Variants in ATP13A5 observed in about 807,000 individuals in gnomAD.
The protein encoded by ATP13A5 is ATPase 13A5, also known as probable cation-transporting ATPase 13A5.
Under a neutral mutation model 150.2 loss-of-function variants are expected in ATP13A5, and 149 were observed. That is an observed-to-expected ratio of 0.99 (90% confidence interval 0.87 to 1.14). The LOEUF is 1.14. Among genes scored for constraint, ATP13A5 ranks in the 50% most tolerant of loss-of-function variants. ATP13A5 has a pLI of 0.00. For synonymous variants in ATP13A5, 497 were observed against 522.2 expected (o/e 0.95, Z 0.66); for missense variants, 1,383 against 1,449.3 (o/e 0.95, Z 0.74).
In ATP13A5 at chr3:193,345,000, T is replaced by C; in HGVS notation, c.814+3A>G. On this transcript the variant is annotated splice_donor_region_variant and intron_variant, in intron 8 of 29. Transcript: ENST00000342358. ...GCTGAAGATGGCCTAACACATCACT[T>C]ACCTTTGTCTTTTACAATGATTGTA... 6.2e-7 allele frequency: 1 copy of C among 1,612,644 alleles called. No homozygotes were observed. The highest frequency in any genetic ancestry group is 8.5e-7 in the Non-Finnish European group (1 of 1,178,746).
At position 193,305,640 on chromosome 3, in the gene ATP13A5, G is replaced by A. The variant is rs866256714; in HGVS notation, c.2597C>T (p.Ser866Leu). The stretch of plus-strand genomic sequence containing the variant: ...CACAGATGCTTCCTGCTCTGATAAT[G>A]AAATGCCTGCATGAGCCGCTTTCAA... ...GALKAAHAGI[S>L]LSEQEASVAS... The change falls in exon 23 of 30, where the codon TCA becomes TTA. Residue 866 changes from serine to leucine, a missense_variant. Transcript: ENST00000342358. The A allele has an allele frequency of 6.2e-7, 1 of 1,613,948 alleles. No homozygotes were observed. The highest frequency in any genetic ancestry group is 1.7e-5 in the Admixed American group (1 of 60,006).
At chr3:193,348,125 A>G (rs982975610) in intron 7 of ATP13A5, among the ~76,000 whole-genome samples, 1 of 152,176 alleles carries the variant, frequency 6.6e-6, no homozygotes, top group African/African-American at 2.4e-5. Flanking sequence ...ATCTGCAAAC[A>G]CGGGTTTCTA....
intron 25 of ATP13A5, among the ~76,000 whole-genome samples, chr3:193,298,330 A>G (rs555018108): frequency 6.6e-6 from 1 of 152,272 alleles, no homozygotes; most frequent in Admixed American, 6.5e-5. Flanking sequence ...TGAACTATGA[A>G]TAGACATTTC....
intron 1 of ATP13A5, among the ~76,000 whole-genome samples, chr3:193,371,712 C>T (rs1259403630): frequency 6.6e-6 from 1 of 152,134 alleles, no homozygotes; most frequent in Non-Finnish European, 1.5e-5. Context: ...CAACGTAGAA[C>T]CTCCCTTGCA....
chr3:193,361,032 T>A (rs1712987916), intron 5 of ATP13A5, among the ~76,000 whole-genome samples: 1 of 152,100 alleles, frequency 6.6e-6, no homozygotes, highest in Non-Finnish European at 1.5e-5. Flanking sequence ...TGGTGCTTGA[T>A]AAATAAGAAA....
intron 14 of ATP13A5, chr3:193,323,905 A>G (rs1440099266): frequency 6.6e-6 from 1 of 152,174 alleles, no homozygotes; most frequent in Admixed American, 6.5e-5. Flanking sequence ...TAACTGCTGT[A>G]CTGTATTTTA....
chr3:193,326,897 T>G, intron 13 of ATP13A5, 99 bp downstream of exon 13: 1 of 1,007,300 alleles, frequency 9.9e-7, no homozygotes, highest in Non-Finnish European at 1.6e-6. Flanking sequence ...TTGTATATAT[T>G]TTATGTGACA....
intron 17 of ATP13A5, among the ~76,000 whole-genome samples, chr3:193,317,365 A>C (rs1369573487): frequency 1.3e-5 from 2 of 152,122 alleles, no homozygotes; most frequent in Non-Finnish European, 2.9e-5. Context: ...TTTATTTTCT[A>C]ATCTATTTCC....
At chr3:193,315,876 G>GTGTC (rs35669217) in intron 17 of ATP13A5, among the ~76,000 whole-genome samples, 1 of 151,804 alleles carries the variant, frequency 6.6e-6, no homozygotes, top group Non-Finnish European at 1.5e-5. Context: ...TTATGTGTGT[G>GTGTC]TGTGTGTTAA....
chr3:193,375,549 C>A (rs1370708742), intron 1 of ATP13A5, among the ~76,000 whole-genome samples: 1 of 151,982 alleles, frequency 6.6e-6, no homozygotes, highest in Non-Finnish European at 1.5e-5. Flanking sequence ...AGAAAAGGAA[C>A]CTATTAGAGC....
At chr3:193,284,007 G>GATTATTATTATTATTATTATTATT (rs3048432) in intron 27 of ATP13A5, among the ~76,000 whole-genome samples, 10 of 141,904 alleles carry the variant, frequency 7.0e-5, no homozygotes, top group African/African-American at 2.6e-4. Context: ...TTGGCCTGCG[G>GATTATTATTATTATTATTATTATT]ATTATTATTA....
At chr3:193,368,183 A>T (rs757570176) in intron 1 of ATP13A5, among the ~76,000 whole-genome samples, 3 of 152,218 alleles carry the variant, frequency 2.0e-5, no homozygotes, top group Non-Finnish European at 4.4e-5. Context: ...TATTAGTAAC[A>T]AACAATTTGA....
intron 18 of ATP13A5, 118 bp downstream of exon 18, chr3:193,314,854 A>G (rs889655691): frequency 7.4e-7 from 1 of 1,352,966 alleles, no homozygotes; most frequent in Non-Finnish European, 1.0e-6. Context: ...CAGGGTAACA[A>G]ATTCGACAAC....
intron 27 of ATP13A5, among the ~76,000 whole-genome samples, chr3:193,283,124 T>C (rs1460345716): frequency 6.6e-6 from 1 of 152,104 alleles, no homozygotes; most frequent in Non-Finnish European, 1.5e-5. Flanking sequence ...CAAACACATA[T>C]ATGAAGATAG....
rs368743655 is a variant in ATP13A5 at position 193,308,927 on chromosome 3, C to T, written c.2526-1558G>A. ...AGTCATTTAGTCACTGGTTACTTAC[C>T]CAGCCTCAGGCATTCTGGAAGTTAA... is the stretch of plus-strand genomic sequence containing the variant. On this transcript the variant is annotated intron_variant, in intron 21 of 29. Coordinates refer to ENST00000342358, the MANE Select transcript of ATP13A5 (RefSeq NM_198505.4). Among the ~76,000 whole-genome samples, 8 of 152,238 alleles carry T rather than the reference C, an allele frequency of 5.3e-5. No individual in the cohort carries two copies. The South Asian group carries it at 1.5e-3, about 28-fold the overall frequency.
chr3:193,371,195 AG>A (rs1225582754), intron 1 of ATP13A5, among the ~76,000 whole-genome samples: 2 of 152,226 alleles, frequency 1.3e-5, no homozygotes, highest in Non-Finnish European at 2.9e-5. Context: ...TTCGGTTAAA[AG>A]TCATTTGTAA....
chr3:193,371,887 T>A (rs1713454236), intron 1 of ATP13A5, among the ~76,000 whole-genome samples: 1 of 152,102 alleles, frequency 6.6e-6, no homozygotes, highest in African/African-American at 2.4e-5. Flanking sequence ...GAACATAATA[T>A]AATAATAGGA....
intron 9 of ATP13A5, among the ~76,000 whole-genome samples, chr3:193,340,230 T>G (rs11917154): frequency 0.34 from 51,660 of 152,024 alleles, 9,098 homozygotes; most frequent in East Asian, 0.5. Flanking sequence ...GTGTTTGAAA[T>G]TCCAAGTCCT....
chr3:193,364,143 G>C lies in ATP13A5; in HGVS notation c.201C>G (p.Pro67=), dbSNP rs1713148684. The C allele has an allele frequency of 5.0e-6, 8 of 1,614,014 alleles. No individual in the cohort carries two copies. Among genetic ancestry groups the C allele is most frequent in the Admixed American group, 3.3e-5 (2 of 60,012 alleles). ...GCAAAACAGTGTCTGCTTCTTGCAA[G>C]GGGCATGGGATGCAGTTGGCCCACA... ...WRVWANCIPC[P]LQEADTVLLR... The change falls in exon 2 of 30, where the codon CCC becomes CCG. Residue 67 remains proline (P), a synonymous_variant. Coordinates refer to ENST00000342358, the MANE Select transcript of ATP13A5 (RefSeq NM_198505.4).
Sources: allele counts gnomAD v4.1 joint callset (sites outside exome capture counted in the v4.1 genomes callset), GRCh38; gene constraint gnomAD v4.1.1; transcripts MANE v1.5; gene names NCBI Gene and HGNC (gene_info 2026-07-23, HGNC 2026-07-21).